The following CFAP92 variants were observed in gnomAD, a reference collection of about 807,000 sequenced individuals.
CFAP92 encodes the protein cilia and flagella associated protein 92 (putative).
CFAP92 carries 86 observed loss-of-function variants against 106.3 expected under a neutral mutation model. The observed-to-expected ratio is 0.81, with a 90% CI of 0.68 to 0.97. The LOEUF (loss-of-function observed/expected upper bound fraction) is 0.97, where lower values mean the gene tolerates loss of function less well. Ranked by LOEUF, CFAP92 falls within the 50% of genes least tolerant of loss-of-function variation. CFAP92 has a pLI of 0.00. For missense variants in CFAP92, 1,204 were observed against 1,283.8 expected (o/e 0.94, Z 0.95); for synonymous variants, 477 against 506.4 (o/e 0.94, Z 0.78).
chr3:128,959,185 G>C (rs1047047261), intron 9 of CFAP92, among the ~76,000 whole-genome samples: 1 of 151,954 alleles, frequency 6.6e-6, no homozygotes, highest in Admixed American at 6.6e-5. Flanking sequence ...ACTCCAGCCT[G>C]GGCAACAAGA....
intron 15 of CFAP92, chr3:128,912,684 G>A (rs1489581061): frequency 1.6e-6 from 2 of 1,289,480 alleles, no homozygotes; most frequent in Non-Finnish European, 2.3e-6. Context: ...TCTTTTTTCA[G>A]AAGGTGTTGG....
the CFAP92 span, among the ~76,000 whole-genome samples, chr3:129,009,731 G>A: frequency 1.3e-5 from 2 of 152,208 alleles, no homozygotes; most frequent in South Asian, 2.1e-4. Flanking sequence ...TCTTGTCTGG[G>A]TAGAATAGCC....
intron 12 of CFAP92, among the ~76,000 whole-genome samples, chr3:128,930,768 A>G (rs1168703256): frequency 6.6e-6 from 1 of 152,138 alleles, no homozygotes; most frequent in African/African-American, 2.4e-5. Context: ...AATAAATTTA[A>G]AACACTTCCT....
the CFAP92 span, among the ~76,000 whole-genome samples, chr3:129,016,181 C>T: frequency 2.0e-5 from 3 of 152,160 alleles, no homozygotes; most frequent in Admixed American, 6.5e-5. Flanking sequence ...GCAAGTTAAC[C>T]GGTCAAACAC....
At chr3:128,976,430 C>T (rs1439498036) in intron 6 of CFAP92, among the ~76,000 whole-genome samples, 2 of 152,136 alleles carry the variant, frequency 1.3e-5, no homozygotes, top group Non-Finnish European at 2.9e-5. Context: ...ATATTCAATA[C>T]AAAAACAATT....
At chr3:129,009,368 T>C in the CFAP92 span, among the ~76,000 whole-genome samples, 7,560 of 152,218 alleles carry the variant, frequency 0.05, 606 homozygotes, top group African/African-American at 0.17. Context: ...TCTGCTTTAC[T>C]CTCTGGCAAA....
chr3:128,967,796 C>CTG (rs1942493882), intron 8 of CFAP92: 1 of 152,122 alleles, frequency 6.6e-6, no homozygotes, highest in Admixed American at 6.6e-5. Context: ...GTCAGGGAGA[C>CTG]ATACACCAGA....
chr3:128,926,658 A>G (rs1284489058), intron 12 of CFAP92, among the ~76,000 whole-genome samples: 3 of 152,208 alleles, frequency 2.0e-5, no homozygotes, highest in African/African-American at 7.2e-5. Flanking sequence ...AGGAAGTGTT[A>G]TGGACTGAAT....
intron 9 of CFAP92, among the ~76,000 whole-genome samples, chr3:128,950,938 G>C (rs1940719018): frequency 6.6e-6 from 1 of 152,166 alleles, no homozygotes; most frequent in African/African-American, 2.4e-5. Context: ...CTCTCAAAAT[G>C]CAAGTTCCCA....
chr3:128,915,434 GGAA>G lies in CFAP92; in HGVS notation c.3043_3045del (p.Phe1015del). 1 of 1,536,138 alleles carries G rather than the reference GGAA, an allele frequency of 6.5e-7. No individual in the cohort carries two copies. The highest frequency in any genetic ancestry group is 1.2e-5 in the South Asian group (1 of 84,054). On this transcript the variant is annotated inframe_deletion, in exon 14 of 16. Transcript: ENST00000645291. ...GTGTCGCTCTGAAGACCTGTCACTTGGAATCCCCTGGCTGTGAGCCAGGCCTGG... is the reference window on the plus strand; with the variant it reads ...GTGTCGCTCTGAAGACCTGTCACTTGTCCCCTGGCTGTGAGCCAGGCCTGG...
chr3:128,985,191 G>A (rs1943776271), intron 4 of CFAP92, among the ~76,000 whole-genome samples: 1 of 152,200 alleles, frequency 6.6e-6, no homozygotes, highest in Non-Finnish European at 1.5e-5. Flanking sequence ...AGGCATAGTG[G>A]CTCACGCTTG....
intron 9 of CFAP92, among the ~76,000 whole-genome samples, chr3:128,965,252 C>A (rs1942283309): frequency 6.6e-6 from 1 of 152,196 alleles, no homozygotes; most frequent in African/African-American, 2.4e-5. Context: ...TTTCCATTAC[C>A]TTCCCAAATC....
chr3:128,986,142 C>T (rs1005715616), intron 4 of CFAP92, among the ~76,000 whole-genome samples: 1 of 152,108 alleles, frequency 6.6e-6, no homozygotes, highest in Non-Finnish European at 1.5e-5. Flanking sequence ...CAAGGCTTTC[C>T]AGCCACACAA....
chr3:129,007,021 TCA>T (rs1390368557), upstream of CFAP92, among the ~76,000 whole-genome samples: 1 of 152,172 alleles, frequency 6.6e-6, no homozygotes, highest in Non-Finnish European at 1.5e-5. Context: ...TGTCAGCATT[TCA>T]CAGACAAGAA....
At chr3:128,969,554 CAG>C (rs2107776616) in intron 8 of CFAP92, 1 of 151,050 alleles carries the variant, frequency 6.6e-6, no homozygotes, top group African/African-American at 2.4e-5. Flanking sequence ...GCCTGGGCGA[CAG>C]AGCAAGACTC....
chr3:128,987,779 C>A lies in CFAP92; in HGVS notation c.504G>T (p.Gln168His). 1 of 1,613,642 alleles carries A rather than the reference C, an allele frequency of 6.2e-7. No homozygotes were observed. Among genetic ancestry groups the A allele is most frequent in the South Asian group, 1.1e-5 (1 of 91,044 alleles). Residue 168 changes from glutamine (Q) to histidine (H), a missense_variant, in exon 4 of 16, where the codon CAG (glutamine) becomes CAT (histidine). Transcript: ENST00000645291. The part of the protein sequence containing the change: ...EGDKAWVSWE[Q>H]TFNITVTKEL... Reference sequence around the variant, plus strand: ...CCTTTGTCACAGTGATATTAAAAGTCTGCTCCCACGACACCCAGGCTTTGT... The same window carrying A: ...CCTTTGTCACAGTGATATTAAAAGTATGCTCCCACGACACCCAGGCTTTGT...
intron 7 of CFAP92, 84 bp from the exon 8 acceptor site, chr3:128,971,517 T>C (rs1942794965): frequency 1.7e-6 from 2 of 1,170,496 alleles, no homozygotes; most frequent in African/African-American, 3.1e-5. Context: ...GCTACAGAGA[T>C]TCAGGAAGGT....
chr3:128,958,162 T>A (rs1941593326), intron 9 of CFAP92, among the ~76,000 whole-genome samples: 1 of 152,198 alleles, frequency 6.6e-6, no homozygotes, highest in South Asian at 2.1e-4. Flanking sequence ...TAAGATCACA[T>A]TCTGAGATAC....
At chr3:128,956,519 T>C (rs949078390) in intron 9 of CFAP92, among the ~76,000 whole-genome samples, 1 of 152,048 alleles carries the variant, frequency 6.6e-6, no homozygotes, top group Non-Finnish European at 1.5e-5. Flanking sequence ...AGACATGTCA[T>C]AGTCAAACTT....
Sources: allele counts gnomAD v4.1 joint callset (sites outside exome capture counted in the v4.1 genomes callset), GRCh38; gene constraint gnomAD v4.1.1; transcripts MANE v1.5; gene names NCBI Gene and HGNC (gene_info 2026-07-23, HGNC 2026-07-21).